DNAL1: variants seen among roughly 807,000 people sequenced by gnomAD.
DNAL1 encodes chromosome 14 open reading frame 168.
DNAL1 carries 17 observed loss-of-function variants against 29.4 expected under a neutral mutation model. The observed-to-expected ratio is 0.58, with a 90% CI of 0.40 to 0.87. The LOEUF (loss-of-function observed/expected upper bound fraction) is 0.87, where lower values mean the gene tolerates loss of function less well. Ranked by LOEUF, DNAL1 falls within the 40% of genes least tolerant of loss-of-function variation. The pLI is 0.00. For synonymous variants in DNAL1, 78 were observed against 76.3 expected (o/e 1.02, Z -0.12); for missense variants, 188 against 214.1 (o/e 0.88, Z 0.76).
intron 2 of DNAL1, among the ~76,000 whole-genome samples, chr14:73,656,019 CAGT>C (rs1168787453): frequency 6.6e-6 from 1 of 152,058 alleles, no homozygotes; most frequent in Non-Finnish European, 1.5e-5. Flanking sequence ...TCTATGTTGT[CAGT>C]AGTTTTTTTG....
intron 7 of DNAL1, among the ~76,000 whole-genome samples, chr14:73,694,251 T>TAAATAAATAAATAAAG (rs1212397156): frequency 7.4e-5 from 10 of 134,368 alleles, no homozygotes; most frequent in Non-Finnish European, 1.4e-4. Flanking sequence ...AATAAATAAA[T>TAAATAAATAAATAAAG]AAATAAATAA....
At chr14:73,656,047 C>T (rs893196914) in intron 2 of DNAL1, among the ~76,000 whole-genome samples, 1 of 151,994 alleles carries the variant, frequency 6.6e-6, no homozygotes, top group African/African-American at 2.4e-5. Context: ...ACTTCTCTGC[C>T]TTTTGGCTAA....
intron 3 of DNAL1, among the ~76,000 whole-genome samples, chr14:73,660,485 C>T (rs775382683): frequency 2.6e-5 from 4 of 152,110 alleles, no homozygotes; most frequent in Non-Finnish European, 5.9e-5. Flanking sequence ...TGATCATCTG[C>T]ACTTTATGCA....
intron 4 of DNAL1, among the ~76,000 whole-genome samples, chr14:73,669,018 C>T (rs1891552615): frequency 6.6e-6 from 1 of 152,116 alleles, no homozygotes; most frequent in Admixed American, 6.5e-5. Flanking sequence ...GTGTCTATGT[C>T]CAAATTGCCT....
At chr14:73,648,653 G>A (rs1470117736) in intron 1 of DNAL1, among the ~76,000 whole-genome samples, 1 of 150,112 alleles carries the variant, frequency 6.7e-6, no homozygotes, top group Admixed American at 6.6e-5. Flanking sequence ...GGACTCAGGC[G>A]ATATGGCCAC....
intron 5 of DNAL1, among the ~76,000 whole-genome samples, chr14:73,680,080 G>T (rs921426235): frequency 6.6e-6 from 1 of 151,858 alleles, no homozygotes; most frequent in African/African-American, 2.4e-5. Context: ...AATTTATTTT[G>T]ATATCAAGAA....
At chr14:73,661,163 A>G (rs1435293475) in intron 3 of DNAL1, among the ~76,000 whole-genome samples, 1 of 145,666 alleles carries the variant, frequency 6.9e-6, no homozygotes, top group Admixed American at 6.8e-5. Flanking sequence ...GACTCTGTCT[A>G]AAAAAAAAAT....
chr14:73,668,519 G>T (rs7157944), intron 4 of DNAL1, among the ~76,000 whole-genome samples: 5 of 151,882 alleles, frequency 3.3e-5, no homozygotes, highest in Admixed American at 2.6e-4. Flanking sequence ...TAATTTGCTA[G>T]GTTGCTGTAA....
intron 5 of DNAL1, among the ~76,000 whole-genome samples, chr14:73,682,696 T>A (rs2140054041): frequency 6.6e-6 from 1 of 151,990 alleles, no homozygotes; most frequent in South Asian, 2.1e-4. Flanking sequence ...CACAAACACA[T>A]ACATTAGCCT....
rs111680580 is a variant in DNAL1, at chr14:73,684,741, T to A, written c.265-2518T>A. 2.4e-3 allele frequency among the ~76,000 whole-genome samples: 362 copies of A among 151,824 alleles called. 3 individuals carry two copies. Among genetic ancestry groups the A allele is most frequent in the African/African-American group, 7.7e-3 (319 of 41,404 alleles). On this transcript the variant is annotated intron_variant, in intron 5 of 7. Coordinates refer to ENST00000553645, the MANE Select transcript of DNAL1 (RefSeq NM_031427.4). ...AGACTCTTGTCTCTACAAAAAAAAA[T>A]TTTTTTAAATTAGCCAAGCATGGTG...
rs540607765 is a variant in DNAL1, at chr14:73,691,842, C to T, written c.532+2327C>T. On this transcript the variant is annotated intron_variant, in intron 7 of 7. Transcript: ENST00000553645. ...CCAAGTAGCTGGAACTACAGGCGTG[C>T]GCCACCCCCCCCCCCCAGCTAATTT... Among the ~76,000 whole-genome samples the T allele has an allele frequency of 7.6e-5, 8 of 105,576 alleles. No homozygotes were observed. The East Asian group carries it at 1.6e-3, about 21-fold the overall frequency. The allele number at this position is 105,576 out of a possible 152,430, so 69.3% of individuals were successfully genotyped here.
At chr14:73,657,649 A>G (rs1233914309) in intron 2 of DNAL1, among the ~76,000 whole-genome samples, 4 of 152,226 alleles carry the variant, frequency 2.6e-5, no homozygotes, top group African/African-American at 9.6e-5. Context: ...GCTGGAGTAC[A>G]ATGGCACGAT....
At chr14:73,675,443 G>C (rs777077017) in intron 5 of DNAL1, among the ~76,000 whole-genome samples, 2 of 151,780 alleles carry the variant, frequency 1.3e-5, no homozygotes, top group South Asian at 2.1e-4. Flanking sequence ...GGGATTACAG[G>C]TGTGCACCAC....
At chr14:73,678,764 A>G (rs1272073476) in intron 5 of DNAL1, among the ~76,000 whole-genome samples, 2 of 152,218 alleles carry the variant, frequency 1.3e-5, no homozygotes, top group African/African-American at 2.4e-5. Flanking sequence ...CTAAGTGTCT[A>G]TCAGCAGTGG....
intron 5 of DNAL1, among the ~76,000 whole-genome samples, chr14:73,685,872 G>A (rs1476135801): frequency 6.6e-6 from 1 of 152,064 alleles, no homozygotes; most frequent in Non-Finnish European, 1.5e-5. Flanking sequence ...TTTGGCTATT[G>A]TGAATTTGCT....
In DNAL1 at chr14:73,673,480, C is replaced by T. The variant is rs139347411; in HGVS notation, c.264+1883C>T. ...AAGATGCTATCTGGCTGAACTATCA[C>T]TTGTTTTAGATATCGTCACTTTTTA... On this transcript the variant is annotated intron_variant, in intron 5 of 7. Coordinates refer to ENST00000553645, the MANE Select transcript of DNAL1 (RefSeq NM_031427.4). Among the ~76,000 whole-genome samples, 1,435 of 152,272 alleles carry T rather than the reference C, an allele frequency of 9.4e-3. 7 individuals are homozygous for T. The highest frequency in any genetic ancestry group is 0.017 in the Middle Eastern group (5 of 294).
intron 4 of DNAL1, among the ~76,000 whole-genome samples, chr14:73,670,912 A>G (rs1891603144): frequency 6.6e-6 from 1 of 151,038 alleles, no homozygotes; most frequent in Non-Finnish European, 1.5e-5. Flanking sequence ...AATTTTTTGT[A>G]TTTTTAGTAG....
intron 4 of DNAL1, among the ~76,000 whole-genome samples, chr14:73,670,715 ATTTT>A (rs1283016121): frequency 6.6e-6 from 1 of 151,170 alleles, no homozygotes; most frequent in African/African-American, 2.4e-5. Flanking sequence ...ATTTTATTTT[ATTTT>A]TTATTTTTTA....
intron 4 of DNAL1, among the ~76,000 whole-genome samples, chr14:73,671,331 C>T (rs1487135405): frequency 6.6e-6 from 1 of 152,056 alleles, no homozygotes; most frequent in Admixed American, 6.6e-5. Flanking sequence ...TTAATATTGA[C>T]ATGTTATGAA....
Sources: gnomAD v4.1 joint callset for allele counts (sites outside exome capture counted in the v4.1 genomes callset) on GRCh38, gnomAD v4.1.1 for gene constraint, MANE v1.5 for transcripts, NCBI Gene and HGNC (gene_info 2026-07-23, HGNC 2026-07-21) for gene names.